ATXN7L1: variants seen among roughly 807,000 people sequenced by gnomAD.
ATXN7L1 encodes the protein ataxin 7 like 1.
Under a neutral mutation model 70.8 loss-of-function variants are expected in ATXN7L1, and 15 were observed. That is an observed-to-expected ratio of 0.21 (90% CI 0.14 to 0.33). The LOEUF (loss-of-function observed/expected upper bound fraction) is 0.33, where lower values mean the gene tolerates loss of function less well. ATXN7L1 is among the 10% of genes least tolerant of loss of function. The pLI, the probability that ATXN7L1 is intolerant of heterozygous loss-of-function variation, is 1.00. For missense variants in ATXN7L1, 975 were observed against 1,097.1 expected (o/e 0.89, Z 1.57); for synonymous variants, 440 against 445.1 (o/e 0.99, Z 0.14).
intron 11 of ATXN7L1, among the ~76,000 whole-genome samples, chr7:105,608,801 A>C (rs1792904769): frequency 6.6e-6 from 1 of 152,212 alleles, no homozygotes; most frequent in Admixed American, 6.5e-5. Flanking sequence ...GGAAAATCCC[A>C]AAGGGCAAAA....
chr7:105,638,711 G>A (rs1185220842), intron 6 of ATXN7L1, 102 bp from the exon 7 acceptor site: 3 of 1,412,798 alleles, frequency 2.1e-6, no homozygotes, highest in Non-Finnish European at 2.8e-6. Flanking sequence ...GAAATTTAGA[G>A]GTGCTTGAAA....
intron 2 of ATXN7L1, among the ~76,000 whole-genome samples, chr7:105,873,996 G>A (rs1317137141): frequency 2.0e-5 from 3 of 151,940 alleles, no homozygotes; most frequent in African/African-American, 4.8e-5. Context: ...GTGGTGGCAC[G>A]TGCCTGTAGT....
chr7:105,783,264 C>T (rs1462724903), intron 3 of ATXN7L1, among the ~76,000 whole-genome samples: 2 of 152,180 alleles, frequency 1.3e-5, no homozygotes, highest in East Asian at 3.8e-4. Flanking sequence ...TAATAGGAAA[C>T]ATATATTTGG....
intron 3 of ATXN7L1, among the ~76,000 whole-genome samples, chr7:105,737,288 C>G (rs960793370): frequency 7.9e-5 from 12 of 152,234 alleles, no homozygotes; most frequent in Non-Finnish European, 1.6e-4. Context: ...CTCTAATAAA[C>G]TTTTCAAACT....
At chr7:105,622,699 C>T (rs1260474536) in intron 8 of ATXN7L1, among the ~76,000 whole-genome samples, 2 of 152,188 alleles carry the variant, frequency 1.3e-5, no homozygotes, top group African/African-American at 2.4e-5. Flanking sequence ...CGAATTGATC[C>T]GGCGGGGGCA....
chr7:105,661,593 T>C (rs1801621422), intron 4 of ATXN7L1, among the ~76,000 whole-genome samples: 1 of 152,180 alleles, frequency 6.6e-6, no homozygotes, highest in Non-Finnish European at 1.5e-5. Context: ...TTTGATTTTC[T>C]TACTCCTAGC....
At chr7:105,688,044 G>A (rs1036303761) in intron 3 of ATXN7L1, among the ~76,000 whole-genome samples, 2 of 152,176 alleles carry the variant, frequency 1.3e-5, no homozygotes, top group Admixed American at 6.5e-5. Context: ...CCAAGGTTGC[G>A]GAGTGTCCCA....
At chr7:105,854,403 G>A (rs1360247647) in intron 2 of ATXN7L1, among the ~76,000 whole-genome samples, 1 of 149,932 alleles carries the variant, frequency 6.7e-6, no homozygotes, top group Non-Finnish European at 1.5e-5. Flanking sequence ...GGGGCTGAAC[G>A]GCTCGAGACA....
intron 3 of ATXN7L1, among the ~76,000 whole-genome samples, chr7:105,680,767 G>A (rs755728364): frequency 1.2e-4 from 19 of 152,218 alleles, no homozygotes; most frequent in Non-Finnish European, 1.9e-4. Context: ...AGATGAAAGG[G>A]CAGGCCCGAG....
intron 7 of ATXN7L1, among the ~76,000 whole-genome samples, chr7:105,632,683 G>T (rs1482162289): frequency 6.6e-6 from 1 of 152,080 alleles, no homozygotes; most frequent in African/African-American, 2.4e-5. Flanking sequence ...AGCACTTTGG[G>T]AGGCTGAGGG....
At chr7:105,790,436 C>T (rs1310088686) in intron 2 of ATXN7L1, among the ~76,000 whole-genome samples, 3 of 151,908 alleles carry the variant, frequency 2.0e-5, no homozygotes, top group South Asian at 2.1e-4. Context: ...CAAAAATCAG[C>T]CGGGTGAGGT....
chr7:105,672,995 C>A (rs1471645908), intron 3 of ATXN7L1, among the ~76,000 whole-genome samples: 1 of 152,194 alleles, frequency 6.6e-6, no homozygotes, highest in Non-Finnish European at 1.5e-5. Context: ...CACCTGCTTC[C>A]CCACAGCCTC....
At chr7:105,733,669 TCCATCCATCCAC>T (rs1796956907) in intron 3 of ATXN7L1, among the ~76,000 whole-genome samples, 3 of 122,862 alleles carry the variant, frequency 2.4e-5, no homozygotes, top group Non-Finnish European at 3.4e-5. Context: ...CATCCATCCA[TCCATCCATCCAC>T]CCATCCACCC....
chr7:105,802,194 G>C (rs1806919980), intron 2 of ATXN7L1, among the ~76,000 whole-genome samples: 1 of 152,146 alleles, frequency 6.6e-6, no homozygotes, highest in Non-Finnish European at 1.5e-5. Context: ...AGACGCTTCA[G>C]GGTCAATCCT....
intron 3 of ATXN7L1, among the ~76,000 whole-genome samples, chr7:105,781,135 C>A (rs899874328): frequency 9.9e-5 from 15 of 152,126 alleles, no homozygotes; most frequent in African/African-American, 3.4e-4. Flanking sequence ...TAGTAAGACA[C>A]AGAATGAGCC....
intron 3 of ATXN7L1, among the ~76,000 whole-genome samples, chr7:105,751,772 C>A (rs1799243936): frequency 6.6e-6 from 1 of 152,228 alleles, no homozygotes; most frequent in South Asian, 2.1e-4. Flanking sequence ...GAAGACTACT[C>A]ATCTACCAAG....
chr7:105,654,131 G>A (rs1353907217), intron 4 of ATXN7L1, among the ~76,000 whole-genome samples: 1 of 152,196 alleles, frequency 6.6e-6, no homozygotes, highest in Non-Finnish European at 1.5e-5. Flanking sequence ...CTCGATAAAT[G>A]TTTGATGAAT....
intron 2 of ATXN7L1, among the ~76,000 whole-genome samples, chr7:105,809,811 C>G (rs1190559950): frequency 1.3e-5 from 2 of 151,890 alleles, no homozygotes; most frequent in African/African-American, 2.4e-5. Flanking sequence ...CACTCTGTTG[C>G]CCAGGCTAGA....
At chr7:105,638,054 A>G (rs1415338898) in intron 7 of ATXN7L1, among the ~76,000 whole-genome samples, 1 of 152,184 alleles carries the variant, frequency 6.6e-6, no homozygotes, top group Non-Finnish European at 1.5e-5. Context: ...CTTGCTGTGT[A>G]AAAACACACA....
Sources: allele counts gnomAD v4.1 joint callset (sites outside exome capture counted in the v4.1 genomes callset), GRCh38; gene constraint gnomAD v4.1.1; transcripts MANE v1.5; gene names NCBI Gene and HGNC (gene_info 2026-07-23, HGNC 2026-07-21).